PARP11: variants seen among roughly 807,000 people sequenced by gnomAD.
PARP11 encodes poly(ADP-ribose) polymerase family member 11.
Under a neutral mutation model 42.9 loss-of-function variants are expected in PARP11, and 31 were observed. The observed-to-expected ratio is 0.72, with a 90% CI of 0.54 to 0.98. PARP11 has a LOEUF of 0.98. Ranked by LOEUF, PARP11 falls within the 50% of genes least tolerant of loss-of-function variation. The pLI is 0.00. For missense variants in PARP11, 365 were observed against 413.1 expected, an observed-to-expected ratio of 0.88 and a Z score of 1.01; for synonymous variants, 137 against 127.3, an observed-to-expected ratio of 1.08 and a Z score of -0.51.
At chr12:3,841,743 C>A in intron 1 of PARP11, 1 of 1,613,024 alleles carries the variant, frequency 6.2e-7, no homozygotes, top group Admixed American at 1.7e-5. Context: ...CACCTCCTTT[C>A]TTTCCTCATG....
chr12:3,830,435 G>A (rs1440761428), intron 1 of PARP11, among the ~76,000 whole-genome samples: 1 of 152,004 alleles, frequency 6.6e-6, no homozygotes. Context: ...TCATTTAATG[G>A]CATAGAAAGA....
rs752073998 is a variant in PARP11, at chr12:3,866,400, T to C, written c.18+6812A>G. On this transcript the variant is annotated intron_variant, in intron 1 of 7. Coordinates refer to ENST00000228820, the MANE Select transcript of PARP11 (RefSeq NM_020367.6). ...CCCTTCTTGTTTTCTCTCAGAATCT[T>C]CAAAAGACGGTCCTCAGGGATTATG... 1.0e-3 allele frequency among the ~76,000 whole-genome samples: 159 copies of C among 152,308 alleles called. 1 individual carries two copies. The highest frequency in any genetic ancestry group is 2.0e-3 in the Non-Finnish European group (137 of 68,012).
Position 3,828,936 on chromosome 12 carries a change from T to G in PARP11, c.242A>C (p.Lys81Thr). The change falls in exon 3 of 8, where the codon AAA becomes ACA. Residue 81 changes from lysine (K) to threonine (T), a missense_variant. By Grantham distance (78) the Lys-to-Thr change is moderately conservative. Coordinates refer to ENST00000228820, the MANE Select transcript of PARP11 (RefSeq NM_020367.6). The stretch of plus-strand genomic sequence containing the variant: ...TGCAAAGTCTATCTTGTAGCTGAAT[T>G]TGGAAGTAGTAAAAGAAATGGAGCC... ...PCGSISFTTS[K>T]FSYKIDFAEM... 6.2e-7 allele frequency: 1 copy of G among 1,614,076 alleles called. No homozygotes were observed. The highest frequency in any genetic ancestry group is 8.5e-7 in the Non-Finnish European group (1 of 1,179,956).
intron 1 of PARP11, among the ~76,000 whole-genome samples, chr12:3,833,977 AC>A (rs1947703452): frequency 6.7e-6 from 1 of 150,372 alleles, no homozygotes. Flanking sequence ...GACACAGAGG[AC>A]CCGTCTCTCT....
intron 6 of PARP11, among the ~76,000 whole-genome samples, chr12:3,816,718 T>C (rs1241420495): frequency 6.6e-6 from 1 of 152,192 alleles, no homozygotes; most frequent in Non-Finnish European, 1.5e-5. Flanking sequence ...GAATCCACTC[T>C]AAGGAAATTC....
rs750214060 is a variant in PARP11 at position 3,812,134 on chromosome 12, C to T, written c.1006G>A (p.Asp336Asn). Residue 336 changes from aspartate (D) to asparagine (N), a missense_variant, in exon 8 of 8, where the codon GAC (aspartate) becomes AAC (asparagine). Asp to Asn is a conservative substitution (Grantham distance 23, BLOSUM62 1). Transcript: ENST00000228820. The part of the protein sequence containing the change: ...ANQIYPEYLI[D>N]FH ...ATTTGGAAGTGAAATCAATGAAAGTCTATCAAGTACTCAGGATAGATTTGG... is the reference window on the plus strand; with the variant it reads ...ATTTGGAAGTGAAATCAATGAAAGTTTATCAAGTACTCAGGATAGATTTGG... 6 of 1,595,208 alleles carry T rather than the reference C, an allele frequency of 3.8e-6. No homozygotes were observed. The highest frequency in any genetic ancestry group is 5.1e-6 in the Non-Finnish European group (6 of 1,171,184).
At chr12:3,833,968 A>G (rs1947703213) in intron 1 of PARP11, among the ~76,000 whole-genome samples, 1 of 150,634 alleles carries the variant, frequency 6.6e-6, no homozygotes, top group Non-Finnish European at 1.5e-5. Context: ...TGGAGAGGTG[A>G]CACAGAGGAC....
At chr12:3,841,454 G>A (rs376858480) in intron 1 of PARP11, 1 of 1,370,082 alleles carries the variant, frequency 7.3e-7, no homozygotes. Flanking sequence ...TAAAGTGATT[G>A]TACCTGTACT....
In PARP11 at chr12:3,812,180, G is replaced by C; in HGVS notation, c.960C>G (p.Ile320Met). The change falls in exon 8 of 8, where the codon ATC (isoleucine) becomes ATG (methionine). Residue 320 changes from isoleucine (I) to methionine (M), a missense_variant. Physicochemically the swap from Ile to Met is conservative, Grantham distance 10. Transcript: ENST00000228820. ...TTTGGTTGGCATCAAAAACCACAAAGATCTTTGGGTTCCAGGTATCATCCA... is the reference window on the plus strand; with the variant it reads ...TTTGGTTGGCATCAAAAACCACAAACATCTTTGGGTTCCAGGTATCATCCA... Reference protein sequence around the residue: ...SCVDDTWNPKIFVVFDANQIY... With the variant: ...SCVDDTWNPKMFVVFDANQIY... The C allele has an allele frequency of 6.2e-7, 1 of 1,614,004 alleles. No homozygotes were observed.
chr12:3,812,070 C>T lies in PARP11; in HGVS notation c.*53G>A. 1 of 1,369,478 alleles carries T rather than the reference C, an allele frequency of 7.3e-7. No individual in the cohort carries two copies. 84.8% of individuals were successfully genotyped at this position (1,369,478 alleles called of 1,614,324 possible). A position where few individuals can be genotyped will look rare whatever the true frequency, so the allele number is the denominator to read the frequency against. On this transcript the variant is annotated 3_prime_UTR_variant, in exon 8 of 8. Coordinates refer to ENST00000228820, the MANE Select transcript of PARP11 (RefSeq NM_020367.6). The stretch of plus-strand genomic sequence containing the variant: ...GTGGCTAGATGACTGAAGAGCAAAC[C>T]TTCCTGCAAAAAAGAATAAAGCTTC...
At chr12:3,870,639 T>C (rs569722937) in intron 1 of PARP11, among the ~76,000 whole-genome samples, 3 of 152,324 alleles carry the variant, frequency 2.0e-5, no homozygotes, top group Middle Eastern at 3.4e-3. Flanking sequence ...AACAAATATT[T>C]ATTGAGTGCC....
intron 1 of PARP11, among the ~76,000 whole-genome samples, chr12:3,835,057 A>G (rs1947728719): frequency 6.6e-6 from 1 of 152,198 alleles, no homozygotes; most frequent in South Asian, 2.1e-4. Context: ...AACACTGTGT[A>G]CATGCTCAAG....
intron 6 of PARP11, among the ~76,000 whole-genome samples, chr12:3,820,833 A>G (rs561232401): frequency 6.6e-6 from 1 of 152,366 alleles, no homozygotes; most frequent in African/African-American, 2.4e-5. Flanking sequence ...AATAGACCCA[A>G]GACTATAAAG....
At chr12:3,844,779 T>C (rs1947965646) in intron 1 of PARP11, among the ~76,000 whole-genome samples, 1 of 152,220 alleles carries the variant, frequency 6.6e-6, no homozygotes, top group African/African-American at 2.4e-5. Context: ...ACCTCCGGAA[T>C]AAAAGAACTG....
intron 6 of PARP11, among the ~76,000 whole-genome samples, chr12:3,816,522 A>G (rs1947289536): frequency 6.6e-6 from 1 of 152,258 alleles, no homozygotes; most frequent in Admixed American, 6.5e-5. Context: ...CTATAAAGTG[A>G]GAAACCAAGC....
chr12:3,825,978 C>G (rs1947512583), intron 4 of PARP11, among the ~76,000 whole-genome samples, 180 bp downstream of exon 4: 1 of 151,668 alleles, frequency 6.6e-6, no homozygotes, highest in African/African-American at 2.4e-5. Context: ...ATCAGGCCGC[C>G]TCGGCCTCCC....
At position 3,829,984 on chromosome 12, in the gene PARP11, T is replaced by C. The variant is rs752123367; in HGVS notation, c.53A>G (p.Lys18Arg). ...MFHKAEELFS[K>R]TTNNEVDDMD... ...GTCATCCACTTCATTGTTTGTTGTT[T>C]TAGAAAATAATTCTTCTGCTTTGTG... Residue 18 changes from lysine (K) to arginine (R), a missense_variant, in exon 2 of 8, where the codon AAA becomes AGA. By Grantham distance (26) the Lys-to-Arg change is conservative (BLOSUM62 2). Transcript: ENST00000228820. The C allele has an allele frequency of 1.3e-5, 21 of 1,613,926 alleles. No individual in the cohort carries two copies. The South Asian group carries it at 2.3e-4, about 18-fold the overall frequency.
intron 1 of PARP11, 53 bp from the exon 2 acceptor site, chr12:3,830,071 T>C (rs1239788852): frequency 6.5e-7 from 1 of 1,542,114 alleles, no homozygotes; most frequent in Non-Finnish European, 8.9e-7. Flanking sequence ...ATAACAAGTA[T>C]ACTTTTTACA....
chr12:3,852,070 CAGAA>C (rs1948106249), intron 1 of PARP11, among the ~76,000 whole-genome samples: 1 of 152,148 alleles, frequency 6.6e-6, no homozygotes, highest in African/African-American at 2.4e-5. Flanking sequence ...AACTAACAAA[CAGAA>C]AGGAATAGCA....
Sources: gnomAD v4.1 joint callset for allele counts (sites outside exome capture counted in the v4.1 genomes callset) on GRCh38, gnomAD v4.1.1 for gene constraint, MANE v1.5 for transcripts, NCBI Gene and HGNC (gene_info 2026-07-23, HGNC 2026-07-21) for gene names.